Variants in SDC2 observed in about 807,000 individuals in gnomAD.
SDC2 encodes syndecan-2.
SDC2 carries 13 observed loss-of-function variants against 22.2 expected under a neutral mutation model. That is an observed-to-expected ratio of 0.59 (90% CI 0.38 to 0.93). The LOEUF (loss-of-function observed/expected upper bound fraction) is 0.93, where lower values mean the gene tolerates loss of function less well. SDC2 is among the 40% of genes least tolerant of loss of function. The probability of loss-of-function intolerance (pLI) is 0.00; values close to 1 mark genes in which losing one functional copy is unlikely to be tolerated. For synonymous variants in SDC2, 94 were observed against 92.8 expected (o/e 1.01, Z -0.07); for missense variants, 235 against 246.8 (o/e 0.95, Z 0.32).
intron 3 of SDC2, among the ~76,000 whole-genome samples, chr8:96,606,474 G>A (rs1001307004): frequency 1.2e-4 from 19 of 152,146 alleles, no homozygotes; most frequent in African/African-American, 4.6e-4. Flanking sequence ...TAATCCACTG[G>A]TTCTTAAACT....
intron 1 of SDC2, among the ~76,000 whole-genome samples, chr8:96,588,932 T>C (rs1814730830): frequency 6.6e-6 from 1 of 152,204 alleles, no homozygotes; most frequent in African/African-American, 2.4e-5. Context: ...TCAGTGTAGG[T>C]TTTACCTACA....
intron 2 of SDC2, among the ~76,000 whole-genome samples, chr8:96,596,622 G>T (rs557217907): frequency 1.3e-5 from 2 of 152,278 alleles, no homozygotes; most frequent in South Asian, 4.1e-4. Flanking sequence ...CCCGGTGAGG[G>T]GTGACATAAT....
At chr8:96,581,338 C>T (rs1387382334) in intron 1 of SDC2, among the ~76,000 whole-genome samples, 1 of 152,050 alleles carries the variant, frequency 6.6e-6, no homozygotes, top group Non-Finnish European at 1.5e-5. Context: ...AATAAGAGTA[C>T]TATATGAGGG....
At chr8:96,604,039 A>G (rs906719524) in intron 3 of SDC2, among the ~76,000 whole-genome samples, 3 of 152,210 alleles carry the variant, frequency 2.0e-5, no homozygotes, top group African/African-American at 4.8e-5. Flanking sequence ...GCTACTATTT[A>G]CTAAAGATGC....
intron 1 of SDC2, among the ~76,000 whole-genome samples, chr8:96,514,316 G>A (rs1357383135): frequency 2.0e-5 from 3 of 152,150 alleles, no homozygotes; most frequent in African/African-American, 7.2e-5. Context: ...TTTAGGGAGA[G>A]GGAAGAGAGA....
chr8:96,571,602 G>A (rs930967436), intron 1 of SDC2, among the ~76,000 whole-genome samples: 1 of 152,230 alleles, frequency 6.6e-6, no homozygotes, highest in Non-Finnish European at 1.5e-5. Context: ...TTGGCTAGCA[G>A]AGAAGGCACT....
At chr8:96,501,137 T>A (rs59969385) in intron 1 of SDC2, among the ~76,000 whole-genome samples, 9,130 of 152,108 alleles carry the variant, frequency 0.06, 352 homozygotes, top group East Asian at 0.16. Flanking sequence ...TGTTTTTTTT[T>A]ATGATTACAC....
rs200754142 is a variant in SDC2 at position 96,525,889 on chromosome 8, G to A, written c.60+31558G>A. The stretch of plus-strand genomic sequence containing the variant: ...AAGCCTCCGGAAAAGGGTCTGGGAC[G>A]ACATTATTTACAGAGTACTTTCCAC... On this transcript the variant is annotated intron_variant, in intron 1 of 4. Coordinates refer to ENST00000302190, the MANE Select transcript of SDC2 (RefSeq NM_002998.4). Among the ~76,000 whole-genome samples, 17 of 152,230 alleles carry A rather than the reference G, an allele frequency of 1.1e-4. No individual in the cohort carries two copies. In the East Asian group the frequency reaches 2.7e-3, roughly 24 times the overall value.
At chr8:96,597,970 C>T (rs903799460) in intron 2 of SDC2, among the ~76,000 whole-genome samples, 5 of 152,180 alleles carry the variant, frequency 3.3e-5, no homozygotes, top group African/African-American at 1.2e-4. Context: ...TAAGTCCATT[C>T]AGGTTGCTAT....
chr8:96,593,942 C>G (rs757217327), intron 2 of SDC2, among the ~76,000 whole-genome samples: 1 of 152,152 alleles, frequency 6.6e-6, no homozygotes, highest in Admixed American at 6.5e-5. Context: ...CGTATTAAGA[C>G]TTTCAGAGTG....
chr8:96,573,912 C>T (rs1222254711), intron 1 of SDC2, among the ~76,000 whole-genome samples: 15 of 152,060 alleles, frequency 9.9e-5, no homozygotes, highest in Non-Finnish European at 2.9e-5. Context: ...CCCGAACACA[C>T]ACCCTACCCT....
intron 1 of SDC2, among the ~76,000 whole-genome samples, chr8:96,531,701 A>G (rs1813664055): frequency 6.6e-6 from 1 of 152,212 alleles, no homozygotes; most frequent in Admixed American, 6.5e-5. Flanking sequence ...ACCCTTTAAG[A>G]ATATTAGGAA....
intron 3 of SDC2, among the ~76,000 whole-genome samples, chr8:96,606,387 T>C (rs1020302407): frequency 2.6e-5 from 4 of 152,200 alleles, no homozygotes; most frequent in Admixed American, 2.0e-4. Flanking sequence ...AAGTTGACAG[T>C]GTTTTCATCA....
chr8:96,589,012 A>T (rs1281788712), intron 1 of SDC2, among the ~76,000 whole-genome samples: 1 of 152,222 alleles, frequency 6.6e-6, no homozygotes, highest in South Asian at 2.1e-4. Context: ...GAAAATGGAC[A>T]GGTTTGTGAT....
At chr8:96,546,937 G>A (rs1813944170) in intron 1 of SDC2, among the ~76,000 whole-genome samples, 1 of 152,212 alleles carries the variant, frequency 6.6e-6, no homozygotes, top group Admixed American at 6.5e-5. Context: ...TTGATTAATG[G>A]ACCCAGCAGA....
intron 1 of SDC2, among the ~76,000 whole-genome samples, chr8:96,542,283 G>A (rs1489322946): frequency 2.0e-5 from 3 of 152,102 alleles, no homozygotes; most frequent in Admixed American, 2.0e-4. Flanking sequence ...TTTATTTGAT[G>A]TGCATGTATC....
intron 1 of SDC2, among the ~76,000 whole-genome samples, chr8:96,576,368 G>GTTTTTTTTTTTTTTTTTTTTTTTTTT (rs1481198542): frequency 6.0e-5 from 1 of 16,610 alleles, no homozygotes; most frequent in African/African-American, 1.2e-4. Flanking sequence ...TTGGTAGTTT[G>GTTTTTTTTTTTTTTTTTTTTTTTTTT]TTTTTGTTTT....
chr8:96,569,198 A>G lies in SDC2; in HGVS notation c.61-24282A>G, dbSNP rs547532578. On this transcript the variant is annotated intron_variant, in intron 1 of 4. Transcript: ENST00000302190. The stretch of plus-strand genomic sequence containing the variant: ...AATTTTTAAAATGTTTTGTAGAGAC[A>G]GGGTCTCACTACGTTGCTCAGGCTG... Among the ~76,000 whole-genome samples, 5 of 152,294 alleles carry G rather than the reference A, an allele frequency of 3.3e-5. No homozygotes were observed. The East Asian group carries it at 7.7e-4, about 24-fold the overall frequency.
At chr8:96,597,627 G>C (rs1461766966) in intron 2 of SDC2, among the ~76,000 whole-genome samples, 1 of 152,204 alleles carries the variant, frequency 6.6e-6, no homozygotes, top group African/African-American at 2.4e-5. Context: ...AGAGAGAAAA[G>C]CAGATGCTCG....
Sources: gnomAD v4.1 joint callset for allele counts (sites outside exome capture counted in the v4.1 genomes callset) on GRCh38, gnomAD v4.1.1 for gene constraint, MANE v1.5 for transcripts, NCBI Gene and HGNC (gene_info 2026-07-23, HGNC 2026-07-21) for gene names.